LDB2: variants seen among roughly 807,000 people sequenced by gnomAD.
LDB2 encodes LIM domain binding 2, also known as LIM domain-binding protein 2.
LDB2 carries 12 observed loss-of-function variants against 44.3 expected under a neutral mutation model. That is an observed-to-expected ratio of 0.27 (90% confidence interval 0.17 to 0.44). The LOEUF (loss-of-function observed/expected upper bound fraction) is 0.44, where lower values mean the gene tolerates loss of function less well. Ranked by LOEUF, LDB2 falls within the 20% of genes least tolerant of loss-of-function variation. LDB2 has a pLI of 1.00. For missense variants in LDB2, 344 were observed against 473.5 expected (o/e 0.73, Z 2.54); for synonymous variants, 164 against 174.8 (o/e 0.94, Z 0.49).
At chr4:16,610,638 T>G (rs1459679633) in intron 2 of LDB2, among the ~76,000 whole-genome samples, 1 of 145,528 alleles carries the variant, frequency 6.9e-6, no homozygotes, top group Non-Finnish European at 1.5e-5. Flanking sequence ...CTTACTGAAA[T>G]AAGACATGCA....
At chr4:16,731,766 T>C (rs1579145509) in intron 2 of LDB2, among the ~76,000 whole-genome samples, 2 of 152,312 alleles carry the variant, frequency 1.3e-5, no homozygotes, top group East Asian at 3.9e-4. Flanking sequence ...CTCAGCCTGC[T>C]TTAGTCTCCA....
intron 1 of LDB2, among the ~76,000 whole-genome samples, chr4:16,859,975 GAGAAAACCTCTC>G (rs1467018990): frequency 6.6e-6 from 1 of 152,176 alleles, no homozygotes; most frequent in Non-Finnish European, 1.5e-5. Flanking sequence ...TTGGACAGAT[GAGAAAACCTCTC>G]AGAAAACCAT....
chr4:16,727,724 C>G (rs983394137), intron 2 of LDB2, among the ~76,000 whole-genome samples: 1 of 152,196 alleles, frequency 6.6e-6, no homozygotes, highest in Non-Finnish European at 1.5e-5. Flanking sequence ...GCATCCCACT[C>G]TTTCTGTCCT....
intron 1 of LDB2, among the ~76,000 whole-genome samples, chr4:16,829,167 CTCTAGGAACTG>C (rs1240933926): frequency 6.6e-6 from 1 of 152,160 alleles, no homozygotes; most frequent in Admixed American, 6.5e-5. Flanking sequence ...GAAAAAAGAA[CTCTAGGAACTG>C]TCACAGGGGT....
At chr4:16,880,888 A>T (rs1379541103) in intron 1 of LDB2, among the ~76,000 whole-genome samples, 1 of 147,408 alleles carries the variant, frequency 6.8e-6, no homozygotes, top group East Asian at 2.0e-4. Flanking sequence ...TGGGTGAGAC[A>T]GCAAGACTCC....
At chr4:16,545,409 A>G (rs1183774162) in intron 5 of LDB2, among the ~76,000 whole-genome samples, 1 of 152,196 alleles carries the variant, frequency 6.6e-6, no homozygotes, top group East Asian at 1.9e-4. Context: ...GCACTCTGTT[A>G]TTATATTAAC....
chr4:16,650,043 G>A (rs1159108146), intron 2 of LDB2, among the ~76,000 whole-genome samples: 1 of 152,158 alleles, frequency 6.6e-6, no homozygotes. Flanking sequence ...TTTAACAGAG[G>A]AGAAAACATT....
intron 1 of LDB2, among the ~76,000 whole-genome samples, chr4:16,833,146 A>C (rs776891690): frequency 2.6e-5 from 4 of 152,248 alleles, no homozygotes; most frequent in Non-Finnish European, 4.4e-5. Context: ...AAATATGCTT[A>C]CTCAATTATA....
intron 1 of LDB2, among the ~76,000 whole-genome samples, chr4:16,809,425 T>C (rs1779363274): frequency 6.6e-6 from 1 of 152,150 alleles, no homozygotes; most frequent in Non-Finnish European, 1.5e-5. Flanking sequence ...AATCTGCCGG[T>C]ATGGTCTCGA....
At chr4:16,566,545 G>T (rs962950465) in intron 5 of LDB2, among the ~76,000 whole-genome samples, 2 of 151,830 alleles carry the variant, frequency 1.3e-5, no homozygotes, top group Non-Finnish European at 2.9e-5. Flanking sequence ...TAAACATAAA[G>T]AAAAAAATCA....
chr4:16,653,419 C>T (rs1399835146), intron 2 of LDB2, among the ~76,000 whole-genome samples: 1 of 152,158 alleles, frequency 6.6e-6, no homozygotes, highest in African/African-American at 2.4e-5. Flanking sequence ...AACAACAAAG[C>T]AACAACTAGG....
chr4:16,642,385 G>GA (rs899867370), intron 2 of LDB2, among the ~76,000 whole-genome samples: 11 of 151,786 alleles, frequency 7.2e-5, no homozygotes, highest in Non-Finnish European at 1.3e-4. Flanking sequence ...ACTCCTAATG[G>GA]AAAAAAATGT....
At chr4:16,599,616 A>G (rs1278670849) in intron 2 of LDB2, among the ~76,000 whole-genome samples, 3 of 152,138 alleles carry the variant, frequency 2.0e-5, no homozygotes, top group Non-Finnish European at 4.4e-5. Flanking sequence ...TCTGTTCTAC[A>G]AGGGAGAGCA....
chr4:16,561,469 T>C (rs543875343), intron 5 of LDB2, among the ~76,000 whole-genome samples: 1 of 152,300 alleles, frequency 6.6e-6, no homozygotes, highest in African/African-American at 2.4e-5. Flanking sequence ...CCATTCACAA[T>C]TGCCTCAAAG....
chr4:16,651,258 G>A (rs1738192266), intron 2 of LDB2: 1 of 152,212 alleles, frequency 6.6e-6, no homozygotes, highest in Admixed American at 6.5e-5. Context: ...GCTAGTGTTA[G>A]AAGCAGCAGC....
At chr4:16,680,806 A>G (rs1747644360) in intron 2 of LDB2, among the ~76,000 whole-genome samples, 1 of 152,060 alleles carries the variant, frequency 6.6e-6, no homozygotes, top group African/African-American at 2.4e-5. Context: ...ACAAACAAGA[A>G]CCCTCCTACA....
intron 1 of LDB2, among the ~76,000 whole-genome samples, chr4:16,857,760 C>A (rs540792847): frequency 9.8e-5 from 15 of 152,310 alleles, no homozygotes; most frequent in Non-Finnish European, 2.2e-4. Context: ...GTACCCTCAG[C>A]AGTGAGGCTT....
At chr4:16,690,790 A>G (rs1750582701) in intron 2 of LDB2, among the ~76,000 whole-genome samples, 1 of 152,174 alleles carries the variant, frequency 6.6e-6, no homozygotes, top group South Asian at 2.1e-4. Context: ...GTTATGCTTC[A>G]GTATTTAAGT....
chr4:16,583,146 G>A (rs554932352), intron 5 of LDB2, among the ~76,000 whole-genome samples: 3 of 152,294 alleles, frequency 2.0e-5, no homozygotes, highest in South Asian at 2.1e-4. Flanking sequence ...GCAGGTCTCC[G>A]TGAGAATGAT....
Sources: gnomAD v4.1 joint callset for allele counts (sites outside exome capture counted in the v4.1 genomes callset) on GRCh38, gnomAD v4.1.1 for gene constraint, MANE v1.5 for transcripts, NCBI Gene and HGNC (gene_info 2026-07-23, HGNC 2026-07-21) for gene names.